VIPR2: variants seen among roughly 807,000 people sequenced by gnomAD.
VIPR2 encodes the protein vasoactive intestinal polypeptide receptor 2.
Under a neutral mutation model 58.0 loss-of-function variants are expected in VIPR2, and 48 were observed. That is an observed-to-expected ratio of 0.83 (90% CI 0.66 to 1.05). VIPR2 has a LOEUF of 1.05. Among genes scored for constraint, VIPR2 ranks in the 50% least tolerant of loss-of-function variants. VIPR2 has a pLI of 0.00. For synonymous variants in VIPR2, 243 were observed against 235.2 expected, an observed-to-expected ratio of 1.03 and a Z score of -0.30; for missense variants, 534 against 558.0, an observed-to-expected ratio of 0.96 and a Z score of 0.43.
chr7:159,069,079 A>G (rs1386862738), intron 4 of VIPR2, among the ~76,000 whole-genome samples: 1 of 152,180 alleles, frequency 6.6e-6, no homozygotes, highest in Non-Finnish European at 1.5e-5. Flanking sequence ...CTCACTGGGC[A>G]GCCTTAATCT....
intron 2 of VIPR2, among the ~76,000 whole-genome samples, chr7:159,131,824 CTCAAAT>C (rs1482624571): frequency 1.3e-5 from 2 of 152,214 alleles, no homozygotes; most frequent in Non-Finnish European, 2.9e-5. Context: ...CCAGTCAGGT[CTCAAAT>C]TACCTCAACC....
At chr7:159,074,649 T>C (rs1282953728) in intron 4 of VIPR2, among the ~76,000 whole-genome samples, 1 of 152,238 alleles carries the variant, frequency 6.6e-6, no homozygotes, top group Non-Finnish European at 1.5e-5. Context: ...TAGACTAAGA[T>C]AATATACTAT....
intron 4 of VIPR2, among the ~76,000 whole-genome samples, chr7:159,070,837 G>T (rs748946193): frequency 2.6e-5 from 4 of 152,170 alleles, no homozygotes; most frequent in Non-Finnish European, 5.9e-5. Context: ...TTGGTTTCTT[G>T]CAAAAATGCC....
intron 3 of VIPR2, among the ~76,000 whole-genome samples, chr7:159,105,593 C>T (rs897613864): frequency 3.3e-5 from 5 of 152,114 alleles, no homozygotes; most frequent in Non-Finnish European, 7.4e-5. Context: ...CTCAGCAAGG[C>T]CTCAGGGCTG....
Position 159,097,098 on chromosome 7 carries a change from C to T in VIPR2, c.357+6659G>A, listed in dbSNP as rs1857905464. 2.0e-6 allele frequency: 3 copies of T among 1,513,476 alleles called. No homozygotes were observed. The highest frequency in any genetic ancestry group is 1.3e-5 in the South Asian group (1 of 79,962). The allele number at this position is 1,513,476 out of a possible 1,614,324, so 93.8% of individuals were successfully genotyped here. On this transcript the variant is annotated intron_variant, in intron 4 of 12. Coordinates refer to ENST00000262178, the MANE Select transcript of VIPR2 (RefSeq NM_003382.5). This position sits in a 1 kb window ranked among gnomAD's most constrained non-coding sequence, Gnocchi z 5.3. ...AGGCTGGTGTGTCCTTGCAGGGTTG[C>T]AGGAGGGTTGGCGGGATGATCAGAT...
intron 2 of VIPR2, among the ~76,000 whole-genome samples, chr7:159,123,076 C>T (rs796448296): frequency 5.3e-5 from 8 of 152,102 alleles, no homozygotes; most frequent in East Asian, 1.9e-4. Context: ...GGGCAGATCA[C>T]GAGGTCAAGA....
intron 5 of VIPR2, among the ~76,000 whole-genome samples, chr7:159,053,091 T>A (rs1855101060): frequency 6.6e-6 from 1 of 152,190 alleles, no homozygotes; most frequent in Admixed American, 6.5e-5. Flanking sequence ...TTAGTGAGGT[T>A]GCTGAAGCAA....
intron 10 of VIPR2, 104 bp downstream of exon 10, chr7:159,034,109 G>A: frequency 9.1e-7 from 1 of 1,100,992 alleles, no homozygotes; most frequent in Non-Finnish European, 1.3e-6. Flanking sequence ...GACAGTGGCG[G>A]AGGCGGAGTC....
intron 2 of VIPR2, among the ~76,000 whole-genome samples, chr7:159,131,949 C>CT (rs36044930): frequency 0.4 from 59,186 of 149,206 alleles, 13,432 homozygotes; most frequent in African/African-American, 0.68. Context: ...AGCCAACAAA[C>CT]TTTAATAATC....
intron 3 of VIPR2, 80 bp downstream of exon 3, chr7:159,109,731 TC>T (rs1795916218): frequency 3.8e-6 from 5 of 1,325,226 alleles, no homozygotes; most frequent in East Asian, 2.3e-5. Flanking sequence ...AAAGTGATGT[TC>T]CTGCTTCTTG....
chr7:159,112,794 C>CT (rs1796084150), intron 2 of VIPR2, among the ~76,000 whole-genome samples: 1 of 146,874 alleles, frequency 6.8e-6, no homozygotes, highest in African/African-American at 2.5e-5. Context: ...GGACGGGACC[C>CT]GGCTGAGAGC....
intron 2 of VIPR2, among the ~76,000 whole-genome samples, chr7:159,111,386 G>A (rs2129496336): frequency 6.6e-6 from 1 of 152,306 alleles, no homozygotes; most frequent in East Asian, 1.9e-4. Context: ...TTTCTACCTT[G>A]ATAATAGTAA....
intron 10 of VIPR2, among the ~76,000 whole-genome samples, chr7:159,033,083 C>T (rs993316215): frequency 1.3e-5 from 2 of 152,186 alleles, no homozygotes; most frequent in African/African-American, 4.8e-5. Context: ...ACTCTGGTGC[C>T]AGGCAGCAAA....
At chr7:159,143,288 G>A (rs558632219) in intron 1 of VIPR2, among the ~76,000 whole-genome samples, 2 of 152,342 alleles carry the variant, frequency 1.3e-5, no homozygotes, top group East Asian at 3.9e-4. Context: ...CGCCCTCCGC[G>A]AAGTCAGCAC....
chr7:159,077,670 C>T (rs1253962858), intron 4 of VIPR2, among the ~76,000 whole-genome samples: 1 of 151,534 alleles, frequency 6.6e-6, no homozygotes, highest in Non-Finnish European at 1.5e-5. Flanking sequence ...CAGATTCTAG[C>T]CCTGTTCAAT....
chr7:159,055,233 G>A (rs545192215), intron 5 of VIPR2, among the ~76,000 whole-genome samples: 2 of 152,126 alleles, frequency 1.3e-5, no homozygotes, highest in African/African-American at 2.4e-5. Flanking sequence ...GCATGATTCC[G>A]AGGTAACGTT....
intron 6 of VIPR2, among the ~76,000 whole-genome samples, chr7:159,039,590 G>A (rs1016130097): frequency 2.8e-4 from 12 of 42,592 alleles, no homozygotes; most frequent in South Asian, 1.5e-3. Flanking sequence ...GCTGTGGGAG[G>A]GTGTTAGTGG....
intron 4 of VIPR2, among the ~76,000 whole-genome samples, chr7:159,102,009 CCGACGAGGCAG>C (rs1858303942): frequency 8.4e-6 from 1 of 119,680 alleles, no homozygotes; most frequent in East Asian, 2.6e-4. Flanking sequence ...CTCACGAGAT[CCGACGAGGCAG>C]TTCCGACTGT....
chr7:159,036,048 A>C, intron 7 of VIPR2, 36 bp from the exon 8 acceptor site: 1 of 1,603,612 alleles, frequency 6.2e-7, no homozygotes, highest in African/African-American at 1.3e-5. Context: ...GGTGGAGCGG[A>C]GCGGTGTGCA....
Sources: gnomAD v4.1 joint callset for allele counts (sites outside exome capture counted in the v4.1 genomes callset) on GRCh38, gnomAD v4.1.1 for gene constraint, Gnocchi (gnomAD v3.1) non-coding constraint, MANE v1.5 for transcripts, NCBI Gene and HGNC (gene_info 2026-07-23, HGNC 2026-07-21) for gene names.